ZNF425: variants seen among roughly 807,000 people sequenced by gnomAD.
ZNF425 encodes the protein zinc finger protein 425.
In ZNF425, 21 loss-of-function variants were observed where a neutral mutation model predicts 17.0. The observed-to-expected ratio is 1.23, with a 90% CI of 0.88 to 1.78. The LOEUF (loss-of-function observed/expected upper bound fraction) is 1.78, where lower values mean the gene tolerates loss of function less well. Among genes scored for constraint, ZNF425 ranks in the 40% most tolerant of loss-of-function variants. ZNF425 has a pLI of 0.00. For synonymous variants in ZNF425, 433 were observed against 384.1 expected (o/e 1.13, Z -1.49); for missense variants, 868 against 967.3 (o/e 0.90, Z 1.36).
intron 1 of ZNF425, among the ~76,000 whole-genome samples, chr7:149,120,927 A>G (rs1232524118): frequency 6.6e-6 from 1 of 152,222 alleles, no homozygotes; most frequent in Non-Finnish European, 1.5e-5. Flanking sequence ...GCTGTTATGG[A>G]CAATCATGTA....
At position 149,126,195 on chromosome 7, in the gene ZNF425, C is replaced by A. The variant is rs1226554183; in HGVS notation, c.18+1G>T. On this transcript the variant is annotated splice_donor_variant, in intron 1 of 3. Transcript: ENST00000378061. LOFTEE classifies it high-confidence loss of function. ...CTGCATCCTCCACCGGCCCTTCTTA[C>A]CGAAGCCGGCTCGGCCATGGCGGTT... 1.2e-6 allele frequency: 2 copies of A among 1,612,934 alleles called. No individual in the cohort carries two copies. The highest frequency in any genetic ancestry group is 2.2e-5 in the East Asian group (1 of 44,852).
At position 149,103,747 on chromosome 7, in the gene ZNF425, G is replaced by A; in HGVS notation, c.2124C>T (p.Ser708=). The A allele has an allele frequency of 6.2e-7, 1 of 1,614,168 alleles. No homozygotes were observed. Among genetic ancestry groups the A allele is most frequent in the East Asian group, 2.2e-5 (1 of 44,878 alleles). The part of the protein sequence containing the change: ...ECGKGFLQKR[S]LKAHLCLHSG... ...TGTGAAGGCACAGATGGGCCTTCAG[G>A]CTTCTCTTCTGGAGGAAGCCTTTGC... is the stretch of plus-strand genomic sequence containing the variant. Residue 708 remains serine, a synonymous_variant, in exon 4 of 4, where the codon AGC becomes AGT. Coordinates refer to ENST00000378061, the MANE Select transcript of ZNF425 (RefSeq NM_001001661.3).
At chr7:149,114,161 C>T (rs970793909) in intron 2 of ZNF425, among the ~76,000 whole-genome samples, 1 of 151,574 alleles carries the variant, frequency 6.6e-6, no homozygotes, top group Non-Finnish European at 1.5e-5. Flanking sequence ...CGGGTTCAAG[C>T]GATTCTCCTG....
In ZNF425 at chr7:149,104,054, C is replaced by T; in HGVS notation, c.1817G>A (p.Gly606Glu). 6 of 1,613,650 alleles carry T rather than the reference C, an allele frequency of 3.7e-6. No individual in the cohort carries two copies. Among genetic ancestry groups the T allele is most frequent in the South Asian group, 1.1e-5 (1 of 91,080 alleles). ...TTCAGGACACTGGTAGGGCTTCTCT[C>T]CACTGTGCAGCCTCAGGTGCTCGGT... ...QLTEHLRLHS[G>E]EKPYQCPECE... The change falls in exon 4 of 4, where the codon GGA becomes GAA. Residue 606 changes from glycine to glutamate, a missense_variant. Physicochemically the swap from Gly to Glu is moderately conservative, Grantham distance 98 (BLOSUM62 -2). Transcript: ENST00000378061. This position sits in a 1 kb window ranked among gnomAD's most constrained non-coding sequence, Gnocchi z 4.3.
In ZNF425 at chr7:149,105,271, T is replaced by G; in HGVS notation, c.600A>C (p.Gln200His). 6.2e-7 allele frequency: 1 copy of G among 1,614,184 alleles called. No homozygotes were observed. Among genetic ancestry groups the G allele is most frequent in the Non-Finnish European group, 8.5e-7 (1 of 1,180,036 alleles). ...YSCYVCRKVF[Q>H]VRRDLLKHKR... ...TGTGCTTTAGCAAATCCCTCCTTAC[T>G]TGGAAGACTTTCCTACAGACATAGC... The change falls in exon 4 of 4, where the codon CAA (glutamine) becomes CAC (histidine). Residue 200 changes from glutamine to histidine, a missense_variant. Coordinates refer to ENST00000378061, the MANE Select transcript of ZNF425 (RefSeq NM_001001661.3).
At chr7:149,119,601 T>G (rs143082167) in intron 1 of ZNF425, among the ~76,000 whole-genome samples, 1 of 152,072 alleles carries the variant, frequency 6.6e-6, no homozygotes, top group African/African-American at 2.4e-5. Flanking sequence ...AGGTTCCACA[T>G]CCATAAATTC....
intron 1 of ZNF425, 68 bp from the exon 2 acceptor site, chr7:149,118,416 C>CT (rs2129518443): frequency 1.3e-6 from 2 of 1,550,762 alleles, no homozygotes; most frequent in East Asian, 4.5e-5. Flanking sequence ...ATGTCCATTA[C>CT]TTTATTGAGA....
Position 149,114,508 on chromosome 7 carries a change from C to A in ZNF425, c.146-2213G>T, listed in dbSNP as rs191921733. 1.3e-3 allele frequency among the ~76,000 whole-genome samples: 193 copies of A among 151,816 alleles called. 1 individual carries two copies. The highest frequency in any genetic ancestry group is 9.7e-4 in the Non-Finnish European group (66 of 67,982). On this transcript the variant is annotated intron_variant, in intron 2 of 3. Coordinates refer to ENST00000378061, the MANE Select transcript of ZNF425 (RefSeq NM_001001661.3). ...CGCCTTCCGAGTTCAAGCAATTCTC[C>A]TGCCTCAGCCTCCTGAGTTGCTGGG...
chr7:149,110,589 A>T (rs531501096), intron 3 of ZNF425, among the ~76,000 whole-genome samples: 1 of 151,770 alleles, frequency 6.6e-6, no homozygotes, highest in African/African-American at 2.4e-5. Context: ...AAAGAAAAGC[A>T]TTCGCGCACT....
rs758735410 is a variant in ZNF425, at chr7:149,105,525, A to C, written c.346T>G (p.Leu116Val). The C allele has an allele frequency of 6.6e-7, 1 of 1,515,892 alleles. No homozygotes were observed. The highest frequency in any genetic ancestry group is 1.4e-5 in the African/African-American group (1 of 71,698). 93.9% of individuals were successfully genotyped at this position (1,515,892 alleles called of 1,614,324 possible). The change falls in exon 4 of 4, where the codon TTA becomes GTA. Residue 116 changes from leucine (L) to valine (V), a missense_variant. Physicochemically the swap from Leu to Val is conservative, Grantham distance 32 (BLOSUM62 1). This residue lies in a region of ZNF425 where 179 missense variants were observed against 216.3 expected (regional missense o/e 0.83). Transcript: ENST00000378061. ...TPRTKEEDCR[L>V]NGPQKQDLCA... ...AAGTCCTGTTTTTGAGGACCATTTA[A>C]ACGGCAATCCTCTTCTTTTGTCCTG...
rs141149560 is a variant in ZNF425 at position 149,105,687 on chromosome 7, G to A, written c.305-121C>T. ...ATTTTTTGCGATAGAGTCTCGCTCT[G>A]TTGTCCAGGCTGGATTGCAGTGGTG... On this transcript the variant is annotated intron_variant, in intron 3 of 3. Transcript: ENST00000378061. The A allele has an allele frequency of 0.014, 8,716 of 628,016 alleles. 616 individuals are homozygous for A. In the African/African-American group the frequency reaches 0.15, roughly 11 times the overall value. 38.9% of individuals were successfully genotyped at this position (628,016 alleles called of 1,614,324 possible).
Position 149,103,721 on chromosome 7 carries a change from C to A in ZNF425, c.2150G>T (p.Ser717Ile), listed in dbSNP as rs375287349. 3.7e-6 allele frequency: 6 copies of A among 1,614,096 alleles called. No individual in the cohort carries two copies. The African/African-American group carries it at 6.7e-5, about 18-fold the overall frequency. ...ATCACAAGAAAAAGGCCTCTCCCCA[C>A]TGTGAAGGCACAGATGGGCCTTCAG... ...RSLKAHLCLH[S>I]GERPFSCDEC... Residue 717 changes from serine (S) to isoleucine (I), a missense_variant, in exon 4 of 4, where the codon AGT becomes ATT. This residue lies in a region of ZNF425 where 437 missense variants were observed against 444.2 expected (regional missense o/e 0.98). Transcript: ENST00000378061.
chr7:149,111,590 TAAAAAAAAAA>T (rs60783786), intron 3 of ZNF425, among the ~76,000 whole-genome samples: 11 of 54,390 alleles, frequency 2.0e-4, no homozygotes, highest in South Asian at 1.0e-3. Context: ...AGACTCTGTC[TAAAAAAAAAA>T]AAAAAAAAAA....
intron 2 of ZNF425, among the ~76,000 whole-genome samples, chr7:149,116,849 A>G (rs1826273343): frequency 6.6e-6 from 1 of 151,980 alleles, no homozygotes; most frequent in Non-Finnish European, 1.5e-5. Flanking sequence ...TCTTCCCCCT[A>G]ATTTCACATG....
chr7:149,125,163 A>C (rs1826438585), intron 1 of ZNF425, among the ~76,000 whole-genome samples: 1 of 152,176 alleles, frequency 6.6e-6, no homozygotes, highest in African/African-American at 2.4e-5. Context: ...GGGTGGGGAA[A>C]AGGAGTGGGA....
At chr7:149,124,573 C>A (rs922965339) in intron 1 of ZNF425, among the ~76,000 whole-genome samples, 1 of 151,952 alleles carries the variant, frequency 6.6e-6, no homozygotes, top group African/African-American at 2.4e-5. Flanking sequence ...CGGAGTTTCG[C>A]TCTTGTTGCC....
chr7:149,102,829 G>T lies in ZNF425; in HGVS notation c.*783C>A, dbSNP rs1229391288. 1 of 152,158 alleles carries T rather than the reference G, an allele frequency of 6.6e-6. No individual in the cohort carries two copies. The highest frequency in any genetic ancestry group is 1.5e-5 in the Non-Finnish European group (1 of 68,018). 9.4% of individuals were successfully genotyped at this position (152,158 alleles called of 1,614,324 possible). ...GAAGACATTTATTTTTAGCAATATGGAAACATTCCAAGAAACAGAAGCCCT... is the reference window on the plus strand; with the variant it reads ...GAAGACATTTATTTTTAGCAATATGTAAACATTCCAAGAAACAGAAGCCCT... On this transcript the variant is annotated 3_prime_UTR_variant, in exon 4 of 4. Coordinates refer to ENST00000378061, the MANE Select transcript of ZNF425 (RefSeq NM_001001661.3).
rs769703807 is a variant in ZNF425, at chr7:149,104,077, G to A, written c.1794C>T (p.Thr598=). The change falls in exon 4 of 4, where the codon ACC becomes ACT. Residue 598 remains threonine (T), a synonymous_variant. Coordinates refer to ENST00000378061, the MANE Select transcript of ZNF425 (RefSeq NM_001001661.3). The surrounding 1 kb of genome is among the most constrained non-coding windows in gnomAD (Gnocchi z 4.3). The stretch of plus-strand genomic sequence containing the variant: ...CTCCACTGTGCAGCCTCAGGTGCTC[G>A]GTGAGCTGAGACTGATGCGTGTAGG... ...DKTYTHQSQL[T]EHLRLHSGEK... The A allele has an allele frequency of 8.7e-6, 14 of 1,612,854 alleles. No homozygotes were observed. The highest frequency in any genetic ancestry group is 1.3e-5 in the African/African-American group (1 of 74,896).
In ZNF425 at chr7:149,114,938, T is replaced by C. The variant is rs1425654998; in HGVS notation, c.146-2643A>G. Among the ~76,000 whole-genome samples the C allele has an allele frequency of 1.7e-3, 212 of 123,130 alleles. 2 individuals are homozygous for C. Among genetic ancestry groups the C allele is most frequent in the African/African-American group, 7.5e-3 (190 of 25,260 alleles). 80.8% of individuals were successfully genotyped at this position (123,130 alleles called of 152,430 possible). ...TTTTCTTTTCTTTCTTTTCTTTTTT[T>C]TTTTTTTTTTTTTTGAGACAGAGTC... On this transcript the variant is annotated intron_variant, in intron 2 of 3. Transcript: ENST00000378061.
Sources: gnomAD v4.1 joint callset for allele counts (sites outside exome capture counted in the v4.1 genomes callset) on GRCh38, gnomAD v4.1.1 for gene constraint, gnomAD v4.1.1 regional missense constraint, Gnocchi (gnomAD v3.1) non-coding constraint, MANE v1.5 for transcripts, NCBI Gene and HGNC (gene_info 2026-07-23, HGNC 2026-07-21) for gene names.